The following FRMD4B variants were observed in gnomAD, a reference collection of about 807,000 sequenced individuals.
FRMD4B encodes FERM domain-containing protein 4B.
FRMD4B carries 74 observed loss-of-function variants against 141.5 expected under a neutral mutation model. That is an observed-to-expected ratio of 0.52 (90% CI 0.43 to 0.63). The LOEUF (loss-of-function observed/expected upper bound fraction) is 0.63. FRMD4B is among the 30% of genes least tolerant of loss of function. FRMD4B has a pLI of 0.00. For synonymous variants in FRMD4B, 506 were observed against 467.9 expected, an observed-to-expected ratio of 1.08 and a Z score of -1.05; for missense variants, 1,366 against 1,253.4, an observed-to-expected ratio of 1.09 and a Z score of -1.36.
At chr3:69,365,144 C>T (rs1478488947) in intron 1 of FRMD4B, among the ~76,000 whole-genome samples, 1 of 152,186 alleles carries the variant, frequency 6.6e-6, no homozygotes, top group African/African-American at 2.4e-5. Flanking sequence ...TCTATATAAA[C>T]CTATTTTAAC....
At chr3:69,180,139 T>G (rs2092689111) in intron 21 of FRMD4B, among the ~76,000 whole-genome samples, 1 of 150,342 alleles carries the variant, frequency 6.7e-6, no homozygotes. Flanking sequence ...CTCTCACATG[T>G]AATCCCAACA....
chr3:69,532,541 T>C (rs553534481), intron 1 of FRMD4B, among the ~76,000 whole-genome samples: 7 of 152,324 alleles, frequency 4.6e-5, no homozygotes, highest in African/African-American at 1.4e-4. Context: ...TAAGCAGGTT[T>C]CTGGTCAGTC....
chr3:69,471,218 C>G (rs1193096658), intron 1 of FRMD4B, among the ~76,000 whole-genome samples: 2 of 151,982 alleles, frequency 1.3e-5, no homozygotes, highest in Non-Finnish European at 2.9e-5. Flanking sequence ...TCAAATAGAC[C>G]GGGCTAAGTC....
rs75862011 is a variant in FRMD4B at position 69,227,525 on chromosome 3, G to A, written c.582-2835C>T. On this transcript the variant is annotated intron_variant, in intron 7 of 22. Transcript: ENST00000398540. ...AAAAATACAAAAATTAGCCTGCTGT[G>A]GTGGCAGACACCTGTAATCCCAGCT... Among the ~76,000 whole-genome samples, 294 of 152,116 alleles carry A rather than the reference G, an allele frequency of 1.9e-3. 2 individuals are homozygous for A. The highest frequency in any genetic ancestry group is 6.8e-3 in the African/African-American group (282 of 41,514).
chr3:69,320,163 G>T (rs1048985553), intron 1 of FRMD4B, among the ~76,000 whole-genome samples: 2 of 152,014 alleles, frequency 1.3e-5, no homozygotes, highest in Admixed American at 1.3e-4. Flanking sequence ...ACCTGAACAA[G>T]GTTACTCATG....
intron 4 of FRMD4B, among the ~76,000 whole-genome samples, chr3:69,299,238 T>C (rs1488152468): frequency 6.6e-6 from 1 of 152,186 alleles, no homozygotes; most frequent in African/African-American, 2.4e-5. Flanking sequence ...TACAGATCTA[T>C]ATAGGTTTAT....
chr3:69,358,926 G>A (rs1703397356), intron 1 of FRMD4B, among the ~76,000 whole-genome samples: 1 of 152,152 alleles, frequency 6.6e-6, no homozygotes, highest in Non-Finnish European at 1.5e-5. Context: ...GCCATGGGAT[G>A]ACCCTGCCAG....
At chr3:69,343,577 G>GTT (rs66705405) in intron 1 of FRMD4B, among the ~76,000 whole-genome samples, 19 of 126,506 alleles carry the variant, frequency 1.5e-4, no homozygotes, top group African/African-American at 4.2e-4. Context: ...ACAGTTTTTT[G>GTT]TTTTTTTTTT....
At chr3:69,330,816 T>C (rs928353486) in intron 1 of FRMD4B, among the ~76,000 whole-genome samples, 13 of 152,188 alleles carry the variant, frequency 8.5e-5, no homozygotes, top group Non-Finnish European at 1.9e-4. Context: ...GCTGAATTGC[T>C]AGATGCCTCC....
intron 2 of FRMD4B, among the ~76,000 whole-genome samples, chr3:69,432,217 C>A (rs1361248287): frequency 2.6e-5 from 4 of 152,170 alleles, no homozygotes; most frequent in Non-Finnish European, 5.9e-5. Flanking sequence ...GCTCAGTTGT[C>A]CCCTGGACTT....
upstream of FRMD4B, chr3:69,386,151 C>T (rs1195955833): frequency 4.7e-6 from 3 of 635,500 alleles, no homozygotes; most frequent in Non-Finnish European, 7.7e-6. Flanking sequence ...GGCCAGGCTC[C>T]GGCGGCATGC....
intron 1 of FRMD4B, among the ~76,000 whole-genome samples, chr3:69,479,194 T>C (rs1706067631): frequency 6.6e-6 from 1 of 151,078 alleles, no homozygotes; most frequent in Admixed American, 6.6e-5. Context: ...TTGGAGCATT[T>C]AGTCCATTTA....
chr3:69,243,195 TC>T (rs552678821), intron 7 of FRMD4B, among the ~76,000 whole-genome samples: 1 of 152,122 alleles, frequency 6.6e-6, no homozygotes, highest in African/African-American at 2.4e-5. Flanking sequence ...AAAATGGAAG[TC>T]CCCACTCCAC....
chr3:69,343,877 G>A (rs1016830680), intron 1 of FRMD4B, among the ~76,000 whole-genome samples: 1 of 152,026 alleles, frequency 6.6e-6, no homozygotes, highest in African/African-American at 2.4e-5. Flanking sequence ...ACCACACCCG[G>A]CCCGTCTTAA....
rs1215397924 is a variant in FRMD4B, at chr3:69,249,207, CAGAAA to C, written c.581+14_581+18del. On this transcript the variant is annotated intron_variant, in intron 7 of 22. Transcript: ENST00000398540. ...TTAGGGTTATTTTGCATAGTAATAT[CAGAAA>C]AGAAAAGCATTACCTGGTATAATCT... 7 of 1,507,520 alleles carry C rather than the reference CAGAAA, an allele frequency of 4.6e-6. No homozygotes were observed. Among genetic ancestry groups the C allele is most frequent in the Middle Eastern group, 1.7e-4 (1 of 5,864 alleles). The allele number at this position is 1,507,520 out of a possible 1,614,324, so 93.4% of individuals were successfully genotyped here. A position where few individuals can be genotyped will look rare whatever the true frequency, so the allele number is the denominator to read the frequency against.
At chr3:69,303,143 A>G (rs1269163181) in intron 3 of FRMD4B, among the ~76,000 whole-genome samples, 5 of 80,870 alleles carry the variant, frequency 6.2e-5, no homozygotes, top group African/African-American at 1.5e-4. Flanking sequence ...AGAGTGAAAT[A>G]CAATGCAGCC....
chr3:69,381,390 C>T (rs533526575), intron 1 of FRMD4B, among the ~76,000 whole-genome samples: 1 of 152,174 alleles, frequency 6.6e-6, no homozygotes. Context: ...AAAGAACACC[C>T]CCAGGAGACT....
chr3:69,363,755 T>A (rs1575765903), intron 1 of FRMD4B, among the ~76,000 whole-genome samples: 1 of 152,130 alleles, frequency 6.6e-6, no homozygotes. Flanking sequence ...CAGAGCTGGG[T>A]CCTATGTTTA....
chr3:69,541,791 C>CCCA (rs1232130895), intron 1 of FRMD4B, among the ~76,000 whole-genome samples: 1 of 150,756 alleles, frequency 6.6e-6, no homozygotes, highest in African/African-American at 2.4e-5. Flanking sequence ...CAGGGATTTC[C>CCCA]CCCCCCTCTT....
Sources: allele counts gnomAD v4.1 joint callset (sites outside exome capture counted in the v4.1 genomes callset), GRCh38; gene constraint gnomAD v4.1.1; transcripts MANE v1.5; gene names NCBI Gene and HGNC (gene_info 2026-07-23, HGNC 2026-07-21).